The following MAP3K1 variants were observed in gnomAD, a reference collection of about 807,000 sequenced individuals.
The protein encoded by MAP3K1 is mitogen-activated protein kinase kinase kinase 1, also known as MAP/ERK kinase kinase 1.
In MAP3K1, 36 loss-of-function variants were observed where a neutral mutation model predicts 144.2. That is an observed-to-expected ratio of 0.25 (90% CI 0.19 to 0.33). The LOEUF (loss-of-function observed/expected upper bound fraction) is 0.33, where lower values mean the gene tolerates loss of function less well. MAP3K1 is among the 10% of genes least tolerant of loss of function. MAP3K1 has a pLI of 1.00. For missense variants in MAP3K1, 1,650 were observed against 1,881.9 expected (o/e 0.88, Z 2.28); for synonymous variants, 718 against 688.7 (o/e 1.04, Z -0.67).
intron 9 of MAP3K1, among the ~76,000 whole-genome samples, chr5:56,873,265 G>T (rs554909653): frequency 1.6e-4 from 25 of 152,246 alleles, no homozygotes; most frequent in African/African-American, 6.0e-4. Flanking sequence ...GACATACGGG[G>T]TTATTCAAGG....
At chr5:56,872,802 A>G in intron 8 of MAP3K1, 23 bp from the exon 9 acceptor site, 1 of 1,613,710 alleles carries the variant, frequency 6.2e-7, no homozygotes, top group Non-Finnish European at 8.5e-7. Context: ...TTTTAAAGCA[A>G]GTTTTGTTAT....
Position 56,883,172 on chromosome 5 carries a change from C to T in MAP3K1, c.3666+306C>T, listed in dbSNP as rs534672657. 1.3e-4 allele frequency among the ~76,000 whole-genome samples: 20 copies of T among 152,312 alleles called. No individual in the cohort carries two copies. The South Asian group carries it at 3.9e-3, about 30-fold the overall frequency. On this transcript the variant is annotated intron_variant, in intron 14 of 19. Coordinates refer to ENST00000399503, the MANE Select transcript of MAP3K1 (RefSeq NM_005921.2). ...CACCATTGTACTCTAGCCTGAATGA[C>T]AGAGCAAGACACTGTCTCACAGAGA... is the stretch of plus-strand genomic sequence containing the variant.
intron 16 of MAP3K1, 36 bp downstream of exon 16, chr5:56,884,862 G>A (rs745709964): frequency 2.6e-5 from 41 of 1,588,246 alleles, no homozygotes; most frequent in Middle Eastern, 1.7e-4. Context: ...ATAGTAGTAC[G>A]TGGATTTAAC....
chr5:56,828,072 A>C (rs946532693), intron 1 of MAP3K1, among the ~76,000 whole-genome samples: 1 of 152,182 alleles, frequency 6.6e-6, no homozygotes, highest in Non-Finnish European at 1.5e-5. Flanking sequence ...CTCACTACTT[A>C]AACCTTTAAC....
At chr5:56,838,071 T>C (rs967284929) in intron 1 of MAP3K1, among the ~76,000 whole-genome samples, 1 of 152,258 alleles carries the variant, frequency 6.6e-6, no homozygotes, top group African/African-American at 2.4e-5. Context: ...TCACATTTTA[T>C]TAGCTGTCAG....
chr5:56,830,301 A>C (rs1263256493), intron 1 of MAP3K1, among the ~76,000 whole-genome samples: 1 of 152,224 alleles, frequency 6.6e-6, no homozygotes, highest in Non-Finnish European at 1.5e-5. Flanking sequence ...GACATTTCTT[A>C]TCTGAGTAGA....
At chr5:56,864,023 T>C (rs1747598568) in intron 3 of MAP3K1, among the ~76,000 whole-genome samples, 2 of 152,234 alleles carry the variant, frequency 1.3e-5, no homozygotes, top group South Asian at 4.1e-4. Context: ...TAAAGAAGAT[T>C]AATAAAGCCT....
chr5:56,818,975 A>C (rs1284380654), intron 1 of MAP3K1, among the ~76,000 whole-genome samples: 2 of 152,308 alleles, frequency 1.3e-5, no homozygotes, highest in East Asian at 3.9e-4. Context: ...TTATTACCTA[A>C]AAATTACTCT....
chr5:56,834,413 A>G (rs73135011), intron 1 of MAP3K1, among the ~76,000 whole-genome samples: 15 of 152,340 alleles, frequency 9.8e-5, no homozygotes, highest in African/African-American at 3.6e-4. Context: ...TTCTACCTGG[A>G]TGTGACAGGA....
At chr5:56,818,074 TGTTG>T (rs1365528082) in intron 1 of MAP3K1, among the ~76,000 whole-genome samples, 1 of 152,200 alleles carries the variant, frequency 6.6e-6, no homozygotes, top group African/African-American at 2.4e-5. Flanking sequence ...GTCAGAATGC[TGTTG>T]GTTTATCCCA....
intron 1 of MAP3K1, among the ~76,000 whole-genome samples, chr5:56,829,525 C>T (rs1473358334): frequency 1.3e-5 from 2 of 152,000 alleles, no homozygotes; most frequent in Non-Finnish European, 2.9e-5. Context: ...TGAAACTGTT[C>T]ATAATTCATT....
chr5:56,842,826 C>G (rs1746855189), intron 1 of MAP3K1, among the ~76,000 whole-genome samples: 1 of 151,952 alleles, frequency 6.6e-6, no homozygotes, highest in Non-Finnish European at 1.5e-5. Context: ...ACTATTATCC[C>G]CATTTTATAG....
intron 6 of MAP3K1, among the ~76,000 whole-genome samples, chr5:56,866,431 A>ATGTC (rs1173432524): frequency 2.0e-5 from 3 of 151,446 alleles, no homozygotes; most frequent in East Asian, 1.9e-4. Context: ...GTATGTATGT[A>ATGTC]TGTCTGTATG....
chr5:56,816,246 G>A (rs1186431007), intron 1 of MAP3K1, among the ~76,000 whole-genome samples, 191 bp downstream of exon 1: 1 of 152,112 alleles, frequency 6.6e-6, no homozygotes, highest in Non-Finnish European at 1.5e-5. Context: ...CAGCCTGGGG[G>A]ACCGGACGGG....
intron 1 of MAP3K1, among the ~76,000 whole-genome samples, chr5:56,844,470 T>C (rs932199900): frequency 1.5e-4 from 23 of 152,086 alleles, no homozygotes; most frequent in Non-Finnish European, 2.8e-4. Flanking sequence ...TGAGCCACCG[T>C]GCCCGGCCTA....
chr5:56,858,458 C>A (rs1220564057), intron 2 of MAP3K1, among the ~76,000 whole-genome samples: 1 of 152,204 alleles, frequency 6.6e-6, no homozygotes, highest in Non-Finnish European at 1.5e-5. Context: ...AGATGCATAA[C>A]ACATAGTCCT....
chr5:56,828,854 A>G (rs1746396461), intron 1 of MAP3K1, among the ~76,000 whole-genome samples: 1 of 148,856 alleles, frequency 6.7e-6, no homozygotes, highest in African/African-American at 2.5e-5. Context: ...ATTTATAAAG[A>G]CCTTTTTGTA....
Position 56,893,659 on chromosome 5 carries a change from A to T in MAP3K1, c.4518A>T (p.Pro1506=). 1 of 1,613,962 alleles carries T rather than the reference A, an allele frequency of 6.2e-7. No homozygotes were observed. Among genetic ancestry groups the T allele is most frequent in the Non-Finnish European group, 8.5e-7 (1 of 1,179,846 alleles). The change falls in exon 20 of 20, where the codon CCA becomes CCT. Residue 1506 remains proline, a synonymous_variant. Coordinates refer to ENST00000399503, the MANE Select transcript of MAP3K1 (RefSeq NM_005921.2). The part of the protein sequence containing the change: ...RPPSRELLKH[P]VFRTTW ...CATCAAGAGAGCTACTGAAGCATCC[A>T]GTCTTTCGTACTACATGGTAGCCAA... is the stretch of plus-strand genomic sequence containing the variant.
Position 56,881,783 on chromosome 5 carries a change from T to A in MAP3K1, c.2583T>A (p.Asp861Glu), listed in dbSNP as rs756838773. The change falls in exon 14 of 20, where the codon GAT becomes GAA. Residue 861 changes from aspartate (D) to glutamate (E), a missense_variant. Asp to Glu is a conservative substitution (Grantham distance 45). Around this residue, in one of 6 missense-constraint regions of MAP3K1, gnomAD observed 841 missense variants for 886.5 expected, o/e 0.95. Transcript: ENST00000399503. ...RMRRRLMAIA[D>E]EVEIAEAIQL... ...GTCGCCGTTTGATGGCTATTGCAGATGAGGTGGAAATTGCCGAAGCCATCC... is the reference window on the plus strand; with the variant it reads ...GTCGCCGTTTGATGGCTATTGCAGAAGAGGTGGAAATTGCCGAAGCCATCC... The A allele has an allele frequency of 6.2e-7, 1 of 1,613,996 alleles. No individual in the cohort carries two copies. The highest frequency in any genetic ancestry group is 8.5e-7 in the Non-Finnish European group (1 of 1,180,022).
Sources: gnomAD v4.1 joint callset for allele counts (sites outside exome capture counted in the v4.1 genomes callset) on GRCh38, gnomAD v4.1.1 for gene constraint, gnomAD v4.1.1 regional missense constraint, MANE v1.5 for transcripts, NCBI Gene and HGNC (gene_info 2026-07-23, HGNC 2026-07-21) for gene names.